Variants in SLC15A2 observed in about 807,000 individuals in gnomAD.
The protein encoded by SLC15A2 is kidney H(+)/peptide cotransporter.
A neutral mutation model predicts 95.5 loss-of-function variants in SLC15A2; 77 were observed. That is an observed-to-expected ratio of 0.81 (90% CI 0.67 to 0.97). SLC15A2 has a LOEUF of 0.97. Among genes scored for constraint, SLC15A2 ranks in the 50% least tolerant of loss-of-function variants. The probability of loss-of-function intolerance (pLI) is 0.00; values close to 1 mark genes in which losing one functional copy is unlikely to be tolerated. For missense variants in SLC15A2, 893 were observed against 874.4 expected (o/e 1.02, Z -0.27); for synonymous variants, 306 against 306.9 (o/e 1.00, Z 0.03).
chr3:121,898,176 A>AAT (rs1553732271), intron 3 of SLC15A2, among the ~76,000 whole-genome samples: 19 of 151,108 alleles, frequency 1.3e-4, no homozygotes, highest in African/African-American at 4.6e-4. Context: ...AAAAAAAAAA[A>AAT]TTGAAATTTT....
At chr3:121,916,989 T>C (rs889068286) in intron 7 of SLC15A2, among the ~76,000 whole-genome samples, 23 of 152,010 alleles carry the variant, frequency 1.5e-4, no homozygotes, top group Admixed American at 2.0e-4. Flanking sequence ...CCTGGCTAAT[T>C]TTTTGTATTT....
intron 11 of SLC15A2, among the ~76,000 whole-genome samples, 164 bp downstream of exon 11, chr3:121,923,430 G>A (rs1559849291): frequency 6.6e-6 from 1 of 152,182 alleles, no homozygotes; most frequent in Non-Finnish European, 1.5e-5. Context: ...AGCTAGTTTA[G>A]AAATAAAAAC....
intron 11 of SLC15A2, among the ~76,000 whole-genome samples, chr3:121,923,920 C>G (rs1710058827): frequency 6.6e-6 from 1 of 152,118 alleles, no homozygotes; most frequent in Non-Finnish European, 1.5e-5. Context: ...CTCTGGCTGT[C>G]TCTTATTTAC....
At chr3:121,940,136 A>G (rs1186628200) in intron 20 of SLC15A2, among the ~76,000 whole-genome samples, 2 of 152,180 alleles carry the variant, frequency 1.3e-5, no homozygotes, top group Non-Finnish European at 2.9e-5. Flanking sequence ...GTATAAGAAT[A>G]CGAATAGAAC....
chr3:121,913,447 C>G (rs1358345773), intron 5 of SLC15A2, among the ~76,000 whole-genome samples: 2 of 152,160 alleles, frequency 1.3e-5, no homozygotes. Flanking sequence ...AACCTGAGAC[C>G]AATGAGTGAA....
At chr3:121,901,853 G>A (rs1171496527) in intron 3 of SLC15A2, among the ~76,000 whole-genome samples, 2 of 151,898 alleles carry the variant, frequency 1.3e-5, no homozygotes, top group African/African-American at 4.8e-5. Context: ...GTTTGTGTGT[G>A]TGTGTGTGTG....
Position 121,910,470 on chromosome 3 carries a change from C to T in SLC15A2, c.336-1104C>T, listed in dbSNP as rs1576675192. ...TTGGCCCCCCAAAGTGCTGGGATTA[C>T]AAGCGTGAGCCACCGTGCCCTAGTC... On this transcript the variant is annotated intron_variant, in intron 3 of 21. Coordinates refer to ENST00000489711, the MANE Select transcript of SLC15A2 (RefSeq NM_021082.4). Among the ~76,000 whole-genome samples, 17 of 152,192 alleles carry T rather than the reference C, an allele frequency of 1.1e-4. No individual in the cohort carries two copies. The South Asian group carries it at 3.3e-3, about 30-fold the overall frequency.
At chr3:121,914,486 G>C (rs914501587) in intron 5 of SLC15A2, among the ~76,000 whole-genome samples, 2 of 152,128 alleles carry the variant, frequency 1.3e-5, no homozygotes, top group Non-Finnish European at 2.9e-5. Flanking sequence ...GCAAATCTCC[G>C]TTAAGCACTA....
At chr3:121,935,310 T>C (rs1710317561) in intron 19 of SLC15A2, among the ~76,000 whole-genome samples, 1 of 152,194 alleles carries the variant, frequency 6.6e-6, no homozygotes, top group Admixed American at 6.5e-5. Context: ...CCTCTTTTTC[T>C]ATTGATTGGA....
chr3:121,929,120 G>A lies in SLC15A2; in HGVS notation c.1480G>A (p.Asp494Asn). Reference sequence around the variant, plus strand: ...CTGGTACAGTCTTGTCATTCGTGAAGATGGGAACAGTATCTCCAGCATGAT... The same window carrying A: ...CTGGTACAGTCTTGTCATTCGTGAAAATGGGAACAGTATCTCCAGCATGAT... ...KNWYSLVIREDGNSISSMMVK... is the reference protein window; with the variant it reads ...KNWYSLVIRENGNSISSMMVK... The change falls in exon 16 of 22, where the codon GAT (aspartate) becomes AAT (asparagine). Residue 494 changes from aspartate (D) to asparagine (N), a missense_variant. Transcript: ENST00000489711. 6.2e-7 allele frequency: 1 copy of A among 1,613,660 alleles called. No homozygotes were observed. The highest frequency in any genetic ancestry group is 8.5e-7 in the Non-Finnish European group (1 of 1,179,680).
chr3:121,919,967 G>T (rs1352519373), intron 7 of SLC15A2, among the ~76,000 whole-genome samples: 1 of 152,206 alleles, frequency 6.6e-6, no homozygotes, highest in Non-Finnish European at 1.5e-5. Context: ...GTGGATACAA[G>T]AATTAATAGA....
At chr3:121,938,049 T>G (rs1559855663) in intron 19 of SLC15A2, among the ~76,000 whole-genome samples, 1 of 151,752 alleles carries the variant, frequency 6.6e-6, no homozygotes, top group South Asian at 2.1e-4. Flanking sequence ...CTGCCCCTGC[T>G]GGGGGGTGCC....
intron 19 of SLC15A2, among the ~76,000 whole-genome samples, chr3:121,938,708 G>A (rs993604860): frequency 6.6e-6 from 1 of 152,176 alleles, no homozygotes; most frequent in African/African-American, 2.4e-5. Context: ...AGATGGAAAC[G>A]CAGAAATCAC....
At chr3:121,933,196 A>G (rs1710267387) in intron 19 of SLC15A2, among the ~76,000 whole-genome samples, 1 of 148,130 alleles carries the variant, frequency 6.8e-6, no homozygotes. Context: ...AGTCTTTGCT[A>G]TTGTGAATAA....
intron 4 of SLC15A2, among the ~76,000 whole-genome samples, chr3:121,912,217 G>A (rs1480360439): frequency 1.3e-5 from 2 of 152,062 alleles, no homozygotes; most frequent in African/African-American, 2.4e-5. Context: ...TTTATCCTAT[G>A]AGTTAGAAAT....
intron 1 of SLC15A2, 83 bp from the exon 2 acceptor site, chr3:121,896,323 G>T (rs1559837045): frequency 3.7e-6 from 4 of 1,072,454 alleles, no homozygotes; most frequent in Non-Finnish European, 5.8e-6. Flanking sequence ...TGAAATAAAT[G>T]AATTTTTCAG....
At chr3:121,914,446 A>T (rs1709839575) in intron 5 of SLC15A2, among the ~76,000 whole-genome samples, 1 of 152,220 alleles carries the variant, frequency 6.6e-6, no homozygotes, top group African/African-American at 2.4e-5. Context: ...AGCCACTTCT[A>T]AGCCAGATGA....
Position 121,940,402 on chromosome 3 carries a change from T to C in SLC15A2, c.1927T>C (p.Ser643Pro). The part of the protein sequence containing the change: ...SYSQAPSSMK[S>P]VLQAAWLLTI... Reference sequence around the variant, plus strand: ...TCCCCAGGCTCCCTCTAGCATGAAATCTGTGCTCCAGGCAGCTTGGCTATT... The same window carrying C: ...TCCCCAGGCTCCCTCTAGCATGAAACCTGTGCTCCAGGCAGCTTGGCTATT... Residue 643 changes from serine (S) to proline (P), a missense_variant, in exon 21 of 22, where the codon TCT (serine) becomes CCT (proline). Transcript: ENST00000489711. 1 of 1,614,014 alleles carries C rather than the reference T, an allele frequency of 6.2e-7. No homozygotes were observed. The highest frequency in any genetic ancestry group is 1.1e-5 in the South Asian group (1 of 91,062).
Position 121,928,529 on chromosome 3 carries a change from T to C in SLC15A2, c.1315T>C (p.Leu439=). 1.2e-6 allele frequency: 2 copies of C among 1,614,150 alleles called. No homozygotes were observed. The highest frequency in any genetic ancestry group is 8.5e-7 in the Non-Finnish European group (1 of 1,179,982). The change falls in exon 15 of 22, where the codon TTG becomes CTG. Residue 439 remains leucine (L), a synonymous_variant. Coordinates refer to ENST00000489711, the MANE Select transcript of SLC15A2 (RefSeq NM_021082.4). ...GGTGGGAAATGAAAACAATTCTCTG[T>C]TGATAGAGTCCATCAAATCCTTTCA... ...TVVGNENNSL[L]IESIKSFQKT...
Sources: gnomAD v4.1 joint callset for allele counts (sites outside exome capture counted in the v4.1 genomes callset) on GRCh38, gnomAD v4.1.1 for gene constraint, MANE v1.5 for transcripts, NCBI Gene and HGNC (gene_info 2026-07-23, HGNC 2026-07-21) for gene names.